SV2C: variants seen among roughly 807,000 people sequenced by gnomAD.
SV2C encodes solute carrier family 22 member B3.
SV2C carries 49 observed loss-of-function variants against 79.7 expected under a neutral mutation model. The observed-to-expected ratio is 0.61, with a 90% CI of 0.49 to 0.78. SV2C has a LOEUF of 0.78. SV2C is among the 30% of genes least tolerant of loss of function. The pLI is 0.00. For missense variants in SV2C, 833 were observed against 912.9 expected (o/e 0.91, Z 1.13); for synonymous variants, 334 against 333.2 (o/e 1.00, Z -0.03).
chr5:76,279,757 G>A (rs996022885), intron 4 of SV2C, among the ~76,000 whole-genome samples: 4 of 152,304 alleles, frequency 2.6e-5, no homozygotes, highest in African/African-American at 9.6e-5. Context: ...AAGCCTGTGG[G>A]AGTGGAGGAA....
At chr5:76,182,117 C>T (rs1743753149) in intron 2 of SV2C, among the ~76,000 whole-genome samples, 1 of 152,030 alleles carries the variant, frequency 6.6e-6, no homozygotes, top group Non-Finnish European at 1.5e-5. Context: ...TTTTTTGAAG[C>T]TCCTGAATCA....
intron 4 of SV2C, among the ~76,000 whole-genome samples, chr5:76,228,787 G>A (rs72773773): frequency 0.026 from 3,672 of 142,538 alleles, 73 homozygotes; most frequent in Middle Eastern, 0.071. Context: ...TATGAAGTAC[G>A]CATTAATATT....
At chr5:76,230,588 C>T (rs1047584723) in intron 4 of SV2C, among the ~76,000 whole-genome samples, 2 of 151,658 alleles carry the variant, frequency 1.3e-5, no homozygotes, top group Non-Finnish European at 2.9e-5. Context: ...TCCAGGAGTT[C>T]GAGACCAGCC....
the SV2C span, among the ~76,000 whole-genome samples, chr5:75,852,148 A>G: frequency 6.6e-6 from 1 of 152,008 alleles, no homozygotes; most frequent in Non-Finnish European, 1.5e-5. Context: ...GGAACATCAC[A>G]CACCAGGGCC....
At chr5:76,209,980 A>AG in intron 4 of SV2C, 93 bp downstream of exon 4, 1 of 1,394,280 alleles carries the variant, frequency 7.2e-7, no homozygotes, top group Non-Finnish European at 9.6e-7. Context: ...GGCCACTTTG[A>AG]GAAAAACTAC....
At chr5:76,345,625 G>T (rs1749523797) in intron 12 of SV2C, among the ~76,000 whole-genome samples, 1 of 152,310 alleles carries the variant, frequency 6.6e-6, no homozygotes, top group East Asian at 1.9e-4. Context: ...CTGTCAGCGT[G>T]ATTTCCAAAG....
chr5:76,285,870 G>A lies in SV2C; in HGVS notation c.1137G>A (p.Thr379=), dbSNP rs752968724. The A allele has an allele frequency of 7.6e-5, 123 of 1,613,130 alleles. No homozygotes were observed. The highest frequency in any genetic ancestry group is 1.0e-4 in the Admixed American group (6 of 59,860). ...GGGGTCAGCCTGAGAAGGTCTTCAC[G>A]GTGAGTCTTCTCCCCAGAGAATCCT... ...RARGQPEKVF[T]VNKIKTPKQI... is the part of the protein sequence containing the mutation. The change falls in exon 6 of 13, where the codon ACG becomes ACA. Residue 379 remains threonine, a splice_region_variant and synonymous_variant. Transcript: ENST00000502798.
intron 9 of SV2C, 35 bp downstream of exon 9, chr5:76,295,977 A>G: frequency 6.5e-7 from 1 of 1,529,538 alleles, no homozygotes; most frequent in Non-Finnish European, 8.8e-7. Flanking sequence ...TTTGCTACCT[A>G]TTCACAAAAA....
At chr5:75,863,103 T>C in the SV2C span, among the ~76,000 whole-genome samples, 1 of 152,148 alleles carries the variant, frequency 6.6e-6, no homozygotes, top group African/African-American at 2.4e-5. Context: ...AACTGGTAAA[T>C]GTTTAATGAC....
At chr5:76,140,645 A>G (rs976031000) in intron 2 of SV2C, among the ~76,000 whole-genome samples, 3 of 152,174 alleles carry the variant, frequency 2.0e-5, no homozygotes, top group South Asian at 2.1e-4. Flanking sequence ...GTAGACCAGC[A>G]TATCCAAGCT....
intron 1 of SV2C, among the ~76,000 whole-genome samples, chr5:76,115,984 C>T (rs934350418): frequency 1.3e-5 from 2 of 152,214 alleles, no homozygotes; most frequent in Non-Finnish European, 2.9e-5. Flanking sequence ...ATGGCCTATG[C>T]CCTAGCCTTA....
At chr5:76,306,223 AT>A (rs199934084) in intron 12 of SV2C, among the ~76,000 whole-genome samples, 20 of 151,308 alleles carry the variant, frequency 1.3e-4, no homozygotes, top group African/African-American at 4.4e-4. Context: ...AATTTATTTT[AT>A]TTTTTTTTAT....
chr5:75,972,917 G>T, the SV2C span, among the ~76,000 whole-genome samples: 1 of 151,918 alleles, frequency 6.6e-6, no homozygotes, highest in Admixed American at 6.6e-5. Context: ...GCAAAGACTT[G>T]GAACCAACCC....
chr5:76,063,139 G>A, the SV2C span, among the ~76,000 whole-genome samples: 2 of 152,140 alleles, frequency 1.3e-5, no homozygotes, highest in Admixed American at 1.3e-4. Context: ...TACCCAGTCA[G>A]AAGGCAATTG....
At chr5:76,351,870 C>G (rs575530530) in intron 12 of SV2C, among the ~76,000 whole-genome samples, 2 of 152,120 alleles carry the variant, frequency 1.3e-5, no homozygotes, top group Admixed American at 1.3e-4. Flanking sequence ...TCATTTAGAG[C>G]ATCATCATCA....
chr5:76,195,473 T>C (rs1744243666), intron 3 of SV2C, among the ~76,000 whole-genome samples: 1 of 152,232 alleles, frequency 6.6e-6, no homozygotes, highest in African/African-American at 2.4e-5. Context: ...CATTCAAGCA[T>C]GCTCTTAAAT....
chr5:76,353,155 G>T, exon 13 of SV2C: 2 of 448,928 alleles, frequency 4.5e-6, no homozygotes, highest in Non-Finnish European at 8.9e-6. Context: ...ATGTTGCCCC[G>T]GCTGATCTTG....
the SV2C span, among the ~76,000 whole-genome samples, chr5:75,882,436 C>T: frequency 1.6e-4 from 24 of 151,030 alleles, no homozygotes; most frequent in Middle Eastern, 3.4e-3. Flanking sequence ...GAGCCTGCAT[C>T]GCCAAGTCAA....
chr5:75,910,834 C>T, the SV2C span: 3 of 1,286,848 alleles, frequency 2.3e-6, no homozygotes, highest in Non-Finnish European at 3.4e-6. Context: ...GGGATGTCTT[C>T]TACAGGGAAA....
Sources: allele counts gnomAD v4.1 joint callset (sites outside exome capture counted in the v4.1 genomes callset), GRCh38; gene constraint gnomAD v4.1.1; transcripts MANE v1.5; gene names NCBI Gene and HGNC (gene_info 2026-07-23, HGNC 2026-07-21).